Variants in ACOXL observed in about 807,000 individuals in gnomAD.
ACOXL encodes acyl-CoA oxidase like.
A neutral mutation model predicts 71.9 loss-of-function variants in ACOXL; 70 were observed. That is an observed-to-expected ratio of 0.97 (90% confidence interval 0.80 to 1.19). ACOXL has a LOEUF of 1.19. Ranked by LOEUF, ACOXL falls within the 50% of genes most tolerant of loss-of-function variation. The pLI is 0.00. For synonymous variants in ACOXL, 253 were observed against 281.6 expected (o/e 0.90, Z 1.02); for missense variants, 703 against 736.3 (o/e 0.95, Z 0.52).
At chr2:110,787,111 G>A (rs966849669) in intron 3 of ACOXL, among the ~76,000 whole-genome samples, 3 of 152,128 alleles carry the variant, frequency 2.0e-5, no homozygotes, top group African/African-American at 7.2e-5. Flanking sequence ...AATGGACCAT[G>A]AGCTGACCAT....
chr2:110,840,983 A>C (rs1691104328), intron 9 of ACOXL, among the ~76,000 whole-genome samples: 2 of 152,100 alleles, frequency 1.3e-5, no homozygotes, highest in Non-Finnish European at 1.5e-5. Context: ...GTGTTCTCCT[A>C]ATGCCAACCT....
chr2:110,881,628 G>A lies in ACOXL; in HGVS notation c.789-27161G>A, dbSNP rs151031438. 3.7e-4 allele frequency among the ~76,000 whole-genome samples: 56 copies of A among 152,036 alleles called. No individual in the cohort carries two copies. In the East Asian group the frequency reaches 5.2e-3, roughly 14 times the overall value. On this transcript the variant is annotated intron_variant, in intron 10 of 17. Coordinates refer to ENST00000439055, the MANE Select transcript of ACOXL (RefSeq NM_001142807.4). ...TGTCTCTCCATAATCTCTCTCTCCC[G>A]TCCTCTCGCTTTTCTCTCCCATCGC...
chr2:110,738,402 T>G (rs1677131930), intron 1 of ACOXL, among the ~76,000 whole-genome samples: 2 of 152,252 alleles, frequency 1.3e-5, no homozygotes, highest in South Asian at 4.1e-4. Flanking sequence ...ACCTGGGAAT[T>G]AACTTTTCGA....
At chr2:110,988,633 A>G (rs1240622464) in intron 13 of ACOXL, among the ~76,000 whole-genome samples, 4 of 152,128 alleles carry the variant, frequency 2.6e-5, no homozygotes, top group Admixed American at 2.6e-4. Flanking sequence ...TTACACCCCC[A>G]TTAGCAGCAT....
At chr2:111,079,334 T>G (rs1478737964) in intron 16 of ACOXL, among the ~76,000 whole-genome samples, 3 of 152,328 alleles carry the variant, frequency 2.0e-5, no homozygotes, top group Non-Finnish European at 4.4e-5. Flanking sequence ...TAGTTCCCAC[T>G]TATAAGTGAG....
chr2:110,733,388 C>T (rs536363175), intron 1 of ACOXL, among the ~76,000 whole-genome samples: 4 of 152,296 alleles, frequency 2.6e-5, no homozygotes, highest in Admixed American at 2.6e-4. Flanking sequence ...GGGTTGAGTG[C>T]TTGAGCTGCA....
chr2:110,758,877 C>A (rs1680024197), intron 1 of ACOXL, among the ~76,000 whole-genome samples: 2 of 152,168 alleles, frequency 1.3e-5, no homozygotes, highest in Admixed American at 1.3e-4. Flanking sequence ...TACATCATTT[C>A]TTTGTTCTCA....
At chr2:111,030,610 G>A (rs558008016) in intron 14 of ACOXL, among the ~76,000 whole-genome samples, 14 of 152,032 alleles carry the variant, frequency 9.2e-5, no homozygotes, top group African/African-American at 1.7e-4. Context: ...CGCAGAAACC[G>A]CAGAGCTGCA....
At chr2:110,759,973 T>A (rs1680176150) in intron 1 of ACOXL, among the ~76,000 whole-genome samples, 1 of 151,958 alleles carries the variant, frequency 6.6e-6, no homozygotes, top group African/African-American at 2.4e-5. Context: ...GCAAGTGGGA[T>A]CTTTTCCTTC....
chr2:110,995,912 G>A lies in ACOXL; in HGVS notation c.1189G>A (p.Asp397Asn). 1 of 1,614,028 alleles carries A rather than the reference G, an allele frequency of 6.2e-7. No individual in the cohort carries two copies. Among genetic ancestry groups the A allele is most frequent in the Non-Finnish European group, 8.5e-7 (1 of 1,179,946 alleles). The change falls in exon 14 of 18, where the codon GAC becomes AAC. Residue 397 changes from aspartate (D) to asparagine (N), a missense_variant. Physicochemically the swap from Asp to Asn is conservative, Grantham distance 23 (BLOSUM62 1). Transcript: ENST00000439055. ...TTTCAGTTTCCTGGCATTTAACATG[G>A]ACACAGTTGATGATCTCGCCTTTCT... ...LRTSFLAFNM[D>N]TVDDLAFLLK...
At chr2:110,977,844 A>C (rs2062524350) in intron 12 of ACOXL, among the ~76,000 whole-genome samples, 1 of 152,186 alleles carries the variant, frequency 6.6e-6, no homozygotes, top group Non-Finnish European at 1.5e-5. Context: ...AATTTTGATG[A>C]TCATCTAAAC....
intron 16 of ACOXL, among the ~76,000 whole-genome samples, chr2:111,067,330 A>G (rs2067121590): frequency 6.6e-6 from 1 of 152,216 alleles, no homozygotes; most frequent in Admixed American, 6.5e-5. Flanking sequence ...CAAGCAGAAA[A>G]TAAAACATAC....
At chr2:110,805,956 T>C (rs1309112343) in intron 9 of ACOXL, among the ~76,000 whole-genome samples, 2 of 152,228 alleles carry the variant, frequency 1.3e-5, no homozygotes, top group Admixed American at 6.5e-5. Flanking sequence ...GGCCCCAGTC[T>C]ACTTTGTTCT....
In ACOXL at chr2:110,789,361, A is replaced by G. The variant is rs189910876; in HGVS notation, c.160-4289A>G. Among the ~76,000 whole-genome samples, 5 of 152,302 alleles carry G rather than the reference A, an allele frequency of 3.3e-5. No individual in the cohort carries two copies. The East Asian group carries it at 9.6e-4, about 29-fold the overall frequency. Reference sequence around the variant, plus strand: ...CTCCATGGCTGTTCTATTTTGCCTTATTTGAACCATCCTATTATCTGTCTT... The same window carrying G: ...CTCCATGGCTGTTCTATTTTGCCTTGTTTGAACCATCCTATTATCTGTCTT... On this transcript the variant is annotated intron_variant, in intron 3 of 17. Coordinates refer to ENST00000439055, the MANE Select transcript of ACOXL (RefSeq NM_001142807.4).
At chr2:110,799,852 T>C (rs994959070) in intron 7 of ACOXL, among the ~76,000 whole-genome samples, 1 of 152,068 alleles carries the variant, frequency 6.6e-6, no homozygotes, top group Non-Finnish European at 1.5e-5. Flanking sequence ...AGCAAGAAGA[T>C]TGTGAAATGC....
chr2:111,061,459 A>G (rs1212150690), intron 16 of ACOXL, among the ~76,000 whole-genome samples: 8 of 152,168 alleles, frequency 5.3e-5, no homozygotes, highest in Non-Finnish European at 7.4e-5. Context: ...CTATCCTCAG[A>G]TTAGCTTGAT....
At chr2:110,909,369 C>CA (rs1450935705) in intron 11 of ACOXL, among the ~76,000 whole-genome samples, 2 of 152,116 alleles carry the variant, frequency 1.3e-5, no homozygotes, top group African/African-American at 4.8e-5. Context: ...ATAAGTACAC[C>CA]TGGAAATTCA....
At chr2:111,022,244 A>G (rs1461012733) in intron 14 of ACOXL, among the ~76,000 whole-genome samples, 1 of 152,146 alleles carries the variant, frequency 6.6e-6, no homozygotes, top group Non-Finnish European at 1.5e-5. Context: ...GGGCGCCTGT[A>G]ATCCCAGCTA....
chr2:111,079,491 C>T (rs571610203), intron 16 of ACOXL, among the ~76,000 whole-genome samples: 22 of 152,330 alleles, frequency 1.4e-4, no homozygotes, highest in Non-Finnish European at 2.2e-4. Flanking sequence ...CTCTCCATGA[C>T]CATCCTGATA....
Sources: allele counts gnomAD v4.1 joint callset (sites outside exome capture counted in the v4.1 genomes callset), GRCh38; gene constraint gnomAD v4.1.1; transcripts MANE v1.5; gene names NCBI Gene and HGNC (gene_info 2026-07-23, HGNC 2026-07-21).